Variants in BAG4 observed in about 807,000 individuals in gnomAD.
BAG4 encodes the protein BAG family molecular chaperone regulator 4.
A neutral mutation model predicts 52.1 loss-of-function variants in BAG4; 28 were observed. The ratio of observed to expected loss-of-function variants is 0.54; its 90% CI spans 0.40 to 0.74. The LOEUF (loss-of-function observed/expected upper bound fraction) is 0.74, where lower values mean the gene tolerates loss of function less well. BAG4 is among the 30% of genes least tolerant of loss of function. BAG4 has a pLI of 0.00. For missense variants in BAG4, 525 were observed against 572.0 expected, an observed-to-expected ratio of 0.92 and a Z score of 0.84; for synonymous variants, 208 against 217.0, an observed-to-expected ratio of 0.96 and a Z score of 0.37.
intron 1 of BAG4, among the ~76,000 whole-genome samples, chr8:38,184,040 A>G (rs1358993342): frequency 6.6e-6 from 1 of 152,222 alleles, no homozygotes; most frequent in Non-Finnish European, 1.5e-5. Flanking sequence ...GAAATTAGCT[A>G]AACAGGTTAT....
Position 38,192,733 on chromosome 8 carries a change from A to C in BAG4, c.316A>C (p.Thr106Pro). The change falls in exon 2 of 5, where the codon ACT (threonine) becomes CCT (proline). Residue 106 changes from threonine (T) to proline (P), a missense_variant. Physicochemically the swap from Thr to Pro is conservative, Grantham distance 38 (BLOSUM62 -1). This residue lies in a region of BAG4 where 287 missense variants were observed against 266.1 expected (regional missense o/e 1.08). Coordinates refer to ENST00000287322, the MANE Select transcript of BAG4 (RefSeq NM_004874.4). ...CTACAATTCTAACTATTGGAATTCT[A>C]CTGCGAGATCTAGGGCTCCTTACCC... Reference protein sequence around the residue: ...PSYNSNYWNSTARSRAPYPST... With the variant: ...PSYNSNYWNSPARSRAPYPST... The C allele has an allele frequency of 1.2e-6, 2 of 1,613,628 alleles. No individual in the cohort carries two copies. Among genetic ancestry groups the C allele is most frequent in the Non-Finnish European group, 1.7e-6 (2 of 1,179,858 alleles).
chr8:38,196,736 A>C (rs568191451), intron 2 of BAG4, among the ~76,000 whole-genome samples: 1 of 152,058 alleles, frequency 6.6e-6, no homozygotes, highest in South Asian at 2.1e-4. Context: ...AGCATCTTTT[A>C]GTGTGCTTAT....
chr8:38,178,903 G>T (rs1803216269), intron 1 of BAG4, among the ~76,000 whole-genome samples: 1 of 152,150 alleles, frequency 6.6e-6, no homozygotes, highest in Non-Finnish European at 1.5e-5. Context: ...GAGTTGCCGA[G>T]GCTGGAGGAT....
rs750456419 is a variant in BAG4 at position 38,210,157 on chromosome 8, G to C, written c.1038G>C (p.Gln346His). ...DSQVQYSAEP[Q>H]LYGNATSDHP... is the part of the protein sequence containing the mutation. ...AAGTCCAGTATAGTGCTGAGCCTCA[G>C]CTGTATGGTAATGCCACCAGTGACC... The change falls in exon 5 of 5, where the codon CAG becomes CAC. Residue 346 changes from glutamine (Q) to histidine (H), a missense_variant. Transcript: ENST00000287322. 6.8e-6 allele frequency: 11 copies of C among 1,614,020 alleles called. No homozygotes were observed. The African/African-American group carries it at 1.5e-4, about 22-fold the overall frequency.
rs527912310 is a variant in BAG4, at chr8:38,209,080, C to T, written c.701C>T (p.Pro234Leu). The T allele has an allele frequency of 1.3e-5, 21 of 1,614,126 alleles. No individual in the cohort carries two copies. In the South Asian group the frequency reaches 2.1e-4, roughly 16 times the overall value. ...AATCGTAGTGTTCCACAATCAGGAC[C>T]GACTGTACGACCACAAGAAGATGCG... Reference protein sequence around the residue: ...DGNRSVPQSGPTVRPQEDAWA... With the variant: ...DGNRSVPQSGLTVRPQEDAWA... The change falls in exon 4 of 5, where the codon CCG becomes CTG. Residue 234 changes from proline (P) to leucine (L), a missense_variant. This residue lies in a region of BAG4 where 238 missense variants were observed against 305.8 expected (regional missense o/e 0.78). Coordinates refer to ENST00000287322, the MANE Select transcript of BAG4 (RefSeq NM_004874.4).
intron 2 of BAG4, among the ~76,000 whole-genome samples, chr8:38,197,757 T>A (rs1803587285): frequency 6.6e-6 from 1 of 152,198 alleles, no homozygotes; most frequent in Non-Finnish European, 1.5e-5. Flanking sequence ...TGGGGTGCAG[T>A]GGCGTGATCT....
rs754247709 is a variant in BAG4, at chr8:38,177,185, G to C, written c.270+46G>C. ...CCTTGCGGGGAGGTGAGGGCCCTTG[G>C]GGCTGGGGTTCGTAAAGGATCGGGT... On this transcript the variant is annotated intron_variant, in intron 1 of 4. Coordinates refer to ENST00000287322, the MANE Select transcript of BAG4 (RefSeq NM_004874.4). 7 of 1,595,472 alleles carry C rather than the reference G, an allele frequency of 4.4e-6. No individual in the cohort carries two copies. In the African/African-American group the frequency reaches 6.8e-5, roughly 15 times the overall value.
At chr8:38,185,160 A>G (rs1803344235) in intron 1 of BAG4, among the ~76,000 whole-genome samples, 1 of 151,986 alleles carries the variant, frequency 6.6e-6, no homozygotes, top group Admixed American at 6.6e-5. Context: ...AATACTTGGT[A>G]CAGAAATTAC....
rs1355922858 is a variant in BAG4, at chr8:38,213,007, A to G, written c.*2514A>G. 1 of 152,228 alleles carries G rather than the reference A, an allele frequency of 6.6e-6. No individual in the cohort carries two copies. The highest frequency in any genetic ancestry group is 2.4e-5 in the African/African-American group (1 of 41,462). The allele number at this position is 152,228 out of a possible 1,614,324, so 9.4% of individuals were successfully genotyped here. ...CTATAATAAGATATTCAGGATAAGTATAGATTTAGAACTTAAAGATGTTAA... is the reference window on the plus strand; with the variant it reads ...CTATAATAAGATATTCAGGATAAGTGTAGATTTAGAACTTAAAGATGTTAA... On this transcript the variant is annotated 3_prime_UTR_variant, in exon 5 of 5. Coordinates refer to ENST00000287322, the MANE Select transcript of BAG4 (RefSeq NM_004874.4).
chr8:38,198,780 C>T (rs544865418), intron 2 of BAG4, among the ~76,000 whole-genome samples: 9 of 152,208 alleles, frequency 5.9e-5, no homozygotes, highest in South Asian at 2.1e-4. Flanking sequence ...AGCCACCATG[C>T]GTGGCTGTTT....
At chr8:38,201,846 AT>A (rs1803667895) in intron 2 of BAG4, 4 of 6,870 alleles carry the variant, frequency 5.8e-4, no homozygotes, top group Non-Finnish European at 7.6e-4. Context: ...ATATATATAT[AT>A]ATATATATAT....
chr8:38,209,686 A>G, intron 4 of BAG4: 1 of 362,386 alleles, frequency 2.8e-6, no homozygotes, highest in Non-Finnish European at 5.0e-6. Context: ...TGAGGTTTTT[A>G]ACCTTTTAGG....
rs995191639 is a variant in BAG4, at chr8:38,211,756, C to A, written c.*1263C>A. 2.6e-5 allele frequency: 4 copies of A among 152,018 alleles called. No individual in the cohort carries two copies. Among genetic ancestry groups the A allele is most frequent in the African/African-American group, 9.7e-5 (4 of 41,410 alleles). The allele number at this position is 152,018 out of a possible 1,614,324, so 9.4% of individuals were successfully genotyped here. A position where few individuals can be genotyped will look rare whatever the true frequency, so the allele number is the denominator to read the frequency against. ...GACATTTATTACCATTATTAACAGT[C>A]ATTTTAGAGCCAAATTTAAGAAAAG... On this transcript the variant is annotated 3_prime_UTR_variant, in exon 5 of 5. Coordinates refer to ENST00000287322, the MANE Select transcript of BAG4 (RefSeq NM_004874.4).
Position 38,210,115 on chromosome 8 carries a change from A to T in BAG4, c.996A>T (p.Ser332=). The change falls in exon 5 of 5, where the codon TCA becomes TCT. Residue 332 remains serine, a synonymous_variant. Transcript: ENST00000287322. ...ESSGTVNNDD[S]DLLDSQVQYS... The stretch of plus-strand genomic sequence containing the variant: ...CGGGGACAGTGAACAATGATGATTC[A>T]GATCTTTTGGATTCCCAAGTCCAGT... 6.2e-7 allele frequency: 1 copy of T among 1,614,180 alleles called. No homozygotes were observed.
chr8:38,200,948 A>G (rs986419133), intron 2 of BAG4, among the ~76,000 whole-genome samples: 2 of 152,236 alleles, frequency 1.3e-5, no homozygotes, highest in African/African-American at 4.8e-5. Context: ...TTTGGAGAGT[A>G]GCATGTGTAC....
chr8:38,192,663 G>T (rs769736168), intron 1 of BAG4, 25 bp from the exon 2 acceptor site: 1 of 1,534,616 alleles, frequency 6.5e-7, no homozygotes. Context: ...TATTAAGAGT[G>T]AATTTATTTT....
At chr8:38,186,846 C>G (rs1389188909) in intron 1 of BAG4, among the ~76,000 whole-genome samples, 1 of 152,190 alleles carries the variant, frequency 6.6e-6, no homozygotes, top group Non-Finnish European at 1.5e-5. Flanking sequence ...TGTGGGCATA[C>G]CCAAGGCTGT....
chr8:38,197,558 G>A (rs1803582823), intron 2 of BAG4, among the ~76,000 whole-genome samples: 1 of 152,218 alleles, frequency 6.6e-6, no homozygotes, highest in Admixed American at 6.5e-5. Context: ...TGAGTGAGTG[G>A]TGAGTGAATG....
At chr8:38,192,914 C>G in intron 2 of BAG4, 119 bp downstream of exon 2, 1 of 621,334 alleles carries the variant, frequency 1.6e-6, no homozygotes, top group Middle Eastern at 3.7e-4. Context: ...CTTTAATGGG[C>G]TCCATCAATC....
Sources: gnomAD v4.1 joint callset for allele counts (sites outside exome capture counted in the v4.1 genomes callset) on GRCh38, gnomAD v4.1.1 for gene constraint, gnomAD v4.1.1 regional missense constraint, MANE v1.5 for transcripts, NCBI Gene and HGNC (gene_info 2026-07-23, HGNC 2026-07-21) for gene names.